The following RNLS variants were observed in gnomAD, a reference collection of about 807,000 sequenced individuals.
RNLS encodes the protein renalase.
Under a neutral mutation model 39.8 loss-of-function variants are expected in RNLS, and 39 were observed. That is an observed-to-expected ratio of 0.98 (90% CI 0.76 to 1.28). RNLS has a LOEUF of 1.28. Among genes scored for constraint, RNLS ranks in the 50% most tolerant of loss-of-function variants. The pLI, the probability that RNLS is intolerant of heterozygous loss-of-function variation, is 0.00. For missense variants in RNLS, 410 were observed against 413.3 expected (o/e 0.99, Z 0.07); for synonymous variants, 147 against 150.7 (o/e 0.98, Z 0.18).
chr10:88,475,592 A>T (rs927990568), intron 4 of RNLS, among the ~76,000 whole-genome samples: 1 of 151,890 alleles, frequency 6.6e-6, no homozygotes, highest in African/African-American at 2.4e-5. Context: ...CTCTAATCTC[A>T]CCTTCCTATG....
the RNLS span, among the ~76,000 whole-genome samples, chr10:88,253,234 G>C: frequency 6.6e-6 from 1 of 152,138 alleles, no homozygotes; most frequent in African/African-American, 2.4e-5. Context: ...TCTGTCTCTG[G>C]GGTAGGAGTT....
At chr10:88,293,019 A>G (rs1843783776) in intron 6 of RNLS, among the ~76,000 whole-genome samples, 1 of 152,168 alleles carries the variant, frequency 6.6e-6, no homozygotes, top group African/African-American at 2.4e-5. Context: ...ATTGCACTCC[A>G]GCCTGGTGAC....
chr10:88,473,211 C>T lies in RNLS; in HGVS notation c.526+99692G>A, dbSNP rs528618807. Among the ~76,000 whole-genome samples the T allele has an allele frequency of 4.6e-5, 7 of 152,214 alleles. No individual in the cohort carries two copies. The South Asian group carries it at 1.2e-3, about 27-fold the overall frequency. ...TAGGATAATCTTATAGGACCACTGA[C>T]GTATATGTGATCTGGTGTTGACTGA... On this transcript the variant is annotated intron_variant, in intron 4 of 6. Coordinates refer to ENST00000331772, the MANE Select transcript of RNLS (RefSeq NM_001031709.3).
At chr10:88,497,972 A>G (rs562890228) in intron 4 of RNLS, among the ~76,000 whole-genome samples, 4 of 152,060 alleles carry the variant, frequency 2.6e-5, no homozygotes, top group Non-Finnish European at 5.9e-5. Flanking sequence ...AGTCCTAGTC[A>G]AGAGCATAAA....
intron 4 of RNLS, among the ~76,000 whole-genome samples, chr10:88,505,929 G>A (rs1845763568): frequency 6.6e-6 from 1 of 152,130 alleles, no homozygotes; most frequent in African/African-American, 2.4e-5. Flanking sequence ...AGCAGCATGG[G>A]TATTAACTTA....
intron 4 of RNLS, among the ~76,000 whole-genome samples, chr10:88,456,097 A>G (rs1314163277): frequency 3.9e-5 from 6 of 152,190 alleles, no homozygotes; most frequent in Non-Finnish European, 5.9e-5. Context: ...TCTTACTGCC[A>G]GCAGACTCTC....
chr10:88,377,382 C>A (rs1470192313), intron 4 of RNLS, among the ~76,000 whole-genome samples: 1 of 152,048 alleles, frequency 6.6e-6, no homozygotes, highest in Non-Finnish European at 1.5e-5. Context: ...AGAACATAAA[C>A]AATGGGAATA....
At chr10:88,319,944 G>A (rs532679639) in intron 5 of RNLS, among the ~76,000 whole-genome samples, 10 of 151,590 alleles carry the variant, frequency 6.6e-5, no homozygotes, top group South Asian at 2.1e-4. Context: ...GAAAACTCTC[G>A]CAAGATACTA....
chr10:88,472,006 A>C (rs1258003594), intron 4 of RNLS, among the ~76,000 whole-genome samples: 1 of 152,198 alleles, frequency 6.6e-6, no homozygotes, highest in Admixed American at 6.5e-5. Flanking sequence ...TCTGTACAGC[A>C]TGGTCCAAGG....
chr10:88,316,842 T>C (rs1845798408), intron 5 of RNLS, among the ~76,000 whole-genome samples: 1 of 152,192 alleles, frequency 6.6e-6, no homozygotes, highest in African/African-American at 2.4e-5. Context: ...AAAATTTGAA[T>C]AGCTATGACT....
chr10:88,392,355 T>C (rs2133584886), intron 4 of RNLS, among the ~76,000 whole-genome samples: 1 of 152,326 alleles, frequency 6.6e-6, no homozygotes, highest in South Asian at 2.1e-4. Context: ...CATGCTCAGC[T>C]AAGACCTGAG....
At chr10:88,351,685 AG>A (rs2133291875) in intron 5 of RNLS, among the ~76,000 whole-genome samples, 1 of 149,438 alleles carries the variant, frequency 6.7e-6, no homozygotes, top group East Asian at 2.0e-4. Context: ...CTTTGTTAGC[AG>A]GCTCTTTTTT....
At chr10:88,396,636 C>T (rs549394581) in intron 4 of RNLS, among the ~76,000 whole-genome samples, 2 of 150,908 alleles carry the variant, frequency 1.3e-5, no homozygotes, top group South Asian at 4.2e-4. Context: ...TAAATCCTAT[C>T]TTATCAGGAA....
At chr10:88,310,166 C>G (rs188308750) in intron 6 of RNLS, among the ~76,000 whole-genome samples, 2 of 152,250 alleles carry the variant, frequency 1.3e-5, no homozygotes, top group Non-Finnish European at 2.9e-5. Flanking sequence ...GAACTGAGGT[C>G]ATAACCACTG....
intron 6 of RNLS, among the ~76,000 whole-genome samples, chr10:88,294,612 C>G (rs923437338): frequency 2.0e-5 from 3 of 152,120 alleles, no homozygotes; most frequent in Non-Finnish European, 4.4e-5. Flanking sequence ...TTCCTCTACA[C>G]ACAACTAACC....
chr10:88,506,880 C>A (rs762175421), intron 4 of RNLS, among the ~76,000 whole-genome samples: 46 of 152,142 alleles, frequency 3.0e-4, no homozygotes, highest in Non-Finnish European at 2.4e-4. Context: ...ACTGAAGTGG[C>A]AGAGTGGAGG....
At chr10:88,251,921 G>T in the RNLS span, among the ~76,000 whole-genome samples, 1 of 152,100 alleles carries the variant, frequency 6.6e-6, no homozygotes, top group Non-Finnish European at 1.5e-5. Context: ...CTCTTCCAAT[G>T]GTGCACCACA....
At chr10:88,291,724 A>G (rs1018430055) in intron 6 of RNLS, among the ~76,000 whole-genome samples, 1 of 152,136 alleles carries the variant, frequency 6.6e-6, no homozygotes, top group African/African-American at 2.4e-5. Context: ...CTCCTTTCCC[A>G]TTAAATTACT....
chr10:88,221,383 T>C, the RNLS span, among the ~76,000 whole-genome samples: 1 of 152,198 alleles, frequency 6.6e-6, no homozygotes, highest in Non-Finnish European at 1.5e-5. Flanking sequence ...CCTTGAACTG[T>C]CGTCTTTTCT....
Sources: allele counts gnomAD v4.1 joint callset (sites outside exome capture counted in the v4.1 genomes callset), GRCh38; gene constraint gnomAD v4.1.1; transcripts MANE v1.5; gene names NCBI Gene and HGNC (gene_info 2026-07-23, HGNC 2026-07-21).